The following PTCD3 variants were observed in gnomAD, a reference collection of about 807,000 sequenced individuals.
The protein encoded by PTCD3 is pentatricopeptide repeat domain 3.
A neutral mutation model predicts 101.9 loss-of-function variants in PTCD3; 89 were observed. The observed-to-expected ratio is 0.87, with a 90% CI of 0.74 to 1.04. PTCD3 has a LOEUF of 1.04. Ranked by LOEUF, PTCD3 falls within the 50% of genes least tolerant of loss-of-function variation. The probability of loss-of-function intolerance (pLI) is 0.00; values close to 1 mark genes in which losing one functional copy is unlikely to be tolerated. For synonymous variants in PTCD3, 296 were observed against 278.5 expected (o/e 1.06, Z -0.63); for missense variants, 870 against 828.2 (o/e 1.05, Z -0.62).
At chr2:86,113,085 T>A (rs533777286) in intron 4 of PTCD3, among the ~76,000 whole-genome samples, 20 of 152,312 alleles carry the variant, frequency 1.3e-4, no homozygotes, top group African/African-American at 4.8e-4. Context: ...GACTTATAAA[T>A]TGGGGGTTAA....
intron 1 of PTCD3, chr2:86,106,977 G>A (rs1426995613): frequency 2.7e-6 from 1 of 366,738 alleles, no homozygotes; most frequent in Non-Finnish European, 5.6e-6. Context: ...TAGGTTTAGT[G>A]TTTGCCATTC....
intron 6 of PTCD3, 135 bp from the exon 7 acceptor site, chr2:86,118,786 A>G (rs1172793382): frequency 1.3e-5 from 12 of 941,000 alleles, no homozygotes; most frequent in Non-Finnish European, 1.6e-5. Flanking sequence ...GATCAGTAGT[A>G]TCTGGTGCAG....
At position 86,132,622 on chromosome 2, in the gene PTCD3, G is replaced by GTTT. The variant is rs11333311; in HGVS notation, c.1373+215_1373+217dup. ...AAAGACTAGTTTGTGTCCTTTAAGG[G>GTTT]TTTTTTTTTTTTTTTTTTTGCAACA... On this transcript the variant is annotated intron_variant, in intron 17 of 23. Transcript: ENST00000254630. 3.3e-3 allele frequency: 726 copies of GTTT among 218,552 alleles called. 3 individuals carry two copies. Among genetic ancestry groups the GTTT allele is most frequent in the African/African-American group, 0.017 (647 of 38,188 alleles). 13.5% of individuals were successfully genotyped at this position (218,552 alleles called of 1,614,324 possible). A position where few individuals can be genotyped will look rare whatever the true frequency, so the allele number is the denominator to read the frequency against.
At chr2:86,124,470 C>A (rs1428385904) in intron 9 of PTCD3, among the ~76,000 whole-genome samples, 1 of 151,890 alleles carries the variant, frequency 6.6e-6, no homozygotes, top group Non-Finnish European at 1.5e-5. Flanking sequence ...ACTAAAAATA[C>A]AACAATTAGC....
chr2:86,125,916 C>A (rs762935733), intron 12 of PTCD3, 36 bp downstream of exon 12: 3 of 1,382,324 alleles, frequency 2.2e-6, no homozygotes, highest in African/African-American at 1.4e-5. Context: ...TTTAATAGGG[C>A]TTAAATACTC....
intron 16 of PTCD3, among the ~76,000 whole-genome samples, chr2:86,131,998 C>G (rs1444080552): frequency 6.6e-6 from 1 of 152,162 alleles, no homozygotes; most frequent in Non-Finnish European, 1.5e-5. Flanking sequence ...ACTTAACTTT[C>G]CTGTGGGTAG....
In PTCD3 at chr2:86,108,536, G is replaced by C. The variant is rs777373754; in HGVS notation, c.194G>C (p.Trp65Ser). ...EEVVIPKKKT[W>S]DKVAVLQALA... ...GTAGTAATTCCAAAAAAGAAAACTT[G>C]GTAAGTATTCTATCAGTGTTCATTC... Residue 65 changes from tryptophan (W) to serine (S), a missense_variant and splice_region_variant, in exon 3 of 24, where the codon TGG (tryptophan) becomes TCG (serine). By Grantham distance (177) the Trp-to-Ser change is radical (BLOSUM62 -3). Coordinates refer to ENST00000254630, the MANE Select transcript of PTCD3 (RefSeq NM_017952.6). The C allele has an allele frequency of 6.3e-7, 1 of 1,594,282 alleles. No individual in the cohort carries two copies. Among genetic ancestry groups the C allele is most frequent in the East Asian group, 2.2e-5 (1 of 44,670 alleles).
intron 13 of PTCD3, 43 bp from the exon 14 acceptor site, chr2:86,127,898 T>C: frequency 6.7e-7 from 1 of 1,496,268 alleles, no homozygotes; most frequent in Non-Finnish European, 9.3e-7. Flanking sequence ...TTGCTGTGTT[T>C]TTACCTCATT....
chr2:86,128,027 A>C (rs749814647), intron 14 of PTCD3, 36 bp downstream of exon 14: 2 of 1,479,750 alleles, frequency 1.4e-6, no homozygotes, highest in East Asian at 2.3e-5. Context: ...ATTTATATAG[A>C]AAATTGACCA....
intron 8 of PTCD3, 152 bp from the exon 9 acceptor site, chr2:86,123,549 A>C (rs1359171464): frequency 7.2e-6 from 4 of 554,934 alleles, no homozygotes; most frequent in Non-Finnish European, 1.2e-5. Flanking sequence ...GTATAGGTGT[A>C]AGCGTAACTG....
intron 9 of PTCD3, 55 bp downstream of exon 9, chr2:86,123,817 A>G (rs904127860): frequency 1.7e-6 from 2 of 1,167,182 alleles, no homozygotes; most frequent in African/African-American, 1.6e-5. Flanking sequence ...TGCATGGAAT[A>G]TGCCCCATCA....
Position 86,118,970 on chromosome 2 carries a change from C to G in PTCD3, c.464C>G (p.Ala155Gly). 2 of 1,613,902 alleles carry G rather than the reference C, an allele frequency of 1.2e-6. No individual in the cohort carries two copies. Among genetic ancestry groups the G allele is most frequent in the Non-Finnish European group, 1.7e-6 (2 of 1,179,874 alleles). Reference sequence around the variant, plus strand: ...CCTCAGATCAAAGACATAAGTGAAGCCGCCCTGAAGGAACGAATTGAGCTC... The same window carrying G: ...CCTCAGATCAAAGACATAAGTGAAGGCGCCCTGAAGGAACGAATTGAGCTC... ...FEPQIKDISEAALKERIELRK... is the reference protein window; with the variant it reads ...FEPQIKDISEGALKERIELRK... Residue 155 changes from alanine (A) to glycine (G), a missense_variant, in exon 7 of 24, where the codon GCC becomes GGC. Ala to Gly is a moderately conservative substitution (Grantham distance 60). Transcript: ENST00000254630.
Position 86,137,789 on chromosome 2 carries a change from C to A in PTCD3, c.*230C>A. The A allele has an allele frequency of 2.1e-6, 1 of 484,860 alleles. No individual in the cohort carries two copies. Among genetic ancestry groups the A allele is most frequent in the Non-Finnish European group, 3.6e-6 (1 of 275,916 alleles). 30.0% of individuals were successfully genotyped at this position (484,860 alleles called of 1,614,324 possible). A position where few individuals can be genotyped will look rare whatever the true frequency, so the allele number is the denominator to read the frequency against. On this transcript the variant is annotated 3_prime_UTR_variant, in exon 24 of 24. Transcript: ENST00000254630. Reference sequence around the variant, plus strand: ...CATTAAAGGCTTAGCATTTAAGTAGCAACATTGCGGTTTTCAGACACATGG... The same window carrying A: ...CATTAAAGGCTTAGCATTTAAGTAGAAACATTGCGGTTTTCAGACACATGG...
chr2:86,116,578 C>T lies in PTCD3; in HGVS notation c.289C>T (p.Pro97Ser), dbSNP rs200222766. The change falls in exon 5 of 24, where the codon CCA becomes TCA. Residue 97 changes from proline (P) to serine (S), a missense_variant. Transcript: ENST00000254630. ...GTTTCAAGATGATCCTTACCTTATG[C>T]CAGCATCATCTTTGGAATCTGTGAG... is the stretch of plus-strand genomic sequence containing the variant. ...YVFQDDPYLM[P>S]ASSLESRSFL... 2.0e-4 allele frequency: 318 copies of T among 1,609,410 alleles called. 1 individual carries two copies. Among genetic ancestry groups the T allele is most frequent in the Non-Finnish European group, 2.5e-4 (292 of 1,175,776 alleles).
intron 1 of PTCD3, chr2:86,107,154 T>C (rs1001889083): frequency 4.2e-6 from 2 of 471,122 alleles, no homozygotes; most frequent in Admixed American, 4.7e-5. Flanking sequence ...CATCTGATAC[T>C]GCAGAAACCT....
Position 86,118,917 on chromosome 2 carries a change from C to T in PTCD3, c.415-4C>T. On this transcript the variant is annotated splice_region_variant and splice_polypyrimidine_tract_variant and intron_variant, in intron 6 of 23. Transcript: ENST00000254630. ...TAGTAACTTTAGTCATCTTGTTTTC[C>T]TAGTGTTTAATGCCTGAGTACTTTG... is the stretch of plus-strand genomic sequence containing the variant. 6.2e-7 allele frequency: 1 copy of T among 1,609,756 alleles called. No individual in the cohort carries two copies. Among genetic ancestry groups the T allele is most frequent in the African/African-American group, 1.3e-5 (1 of 74,612 alleles).
Position 86,113,668 on chromosome 2 carries a change from G to A in PTCD3, c.240+2510G>A, listed in dbSNP as rs3731821. Among the ~76,000 whole-genome samples the A allele has an allele frequency of 9.5e-3, 1,445 of 152,108 alleles. 92 individuals carry two copies. The East Asian group carries it at 0.18, about 19-fold the overall frequency. The stretch of plus-strand genomic sequence containing the variant: ...AAAAAAACACAAAAATTAGCTGAGC[G>A]TGGTAGTATGCGCCTGTAGTCCCAG... On this transcript the variant is annotated intron_variant, in intron 4 of 23. Coordinates refer to ENST00000254630, the MANE Select transcript of PTCD3 (RefSeq NM_017952.6).
intron 4 of PTCD3, among the ~76,000 whole-genome samples, chr2:86,115,394 C>G (rs1259430841): frequency 1.3e-5 from 2 of 152,302 alleles, no homozygotes; most frequent in East Asian, 3.9e-4. Flanking sequence ...GACCCTGGAT[C>G]ATATCACTCT....
chr2:86,136,955 A>G lies in PTCD3; in HGVS notation c.1821-27A>G, dbSNP rs1166957464. On this transcript the variant is annotated intron_variant, in intron 22 of 23. Transcript: ENST00000254630. ...ATGTTTTACTGAAGGGGCTGGAGAA[A>G]GTTCACACTTTGCCTTTCTTTTACA... is the stretch of plus-strand genomic sequence containing the variant. The G allele has an allele frequency of 3.7e-6, 6 of 1,612,144 alleles. No individual in the cohort carries two copies. The South Asian group carries it at 6.6e-5, about 18-fold the overall frequency.
Sources: gnomAD v4.1 joint callset for allele counts (sites outside exome capture counted in the v4.1 genomes callset) on GRCh38, gnomAD v4.1.1 for gene constraint, MANE v1.5 for transcripts, NCBI Gene and HGNC (gene_info 2026-07-23, HGNC 2026-07-21) for gene names.